The following NCALD variants were observed in gnomAD, a reference collection of about 807,000 sequenced individuals.
The protein encoded by NCALD is neurocalcin-delta.
In NCALD, 10 loss-of-function variants were observed where a neutral mutation model predicts 18.6. The ratio of observed to expected loss-of-function variants is 0.54; its 90% CI spans 0.33 to 0.91. The LOEUF (loss-of-function observed/expected upper bound fraction) is 0.91. Among genes scored for constraint, NCALD ranks in the 40% least tolerant of loss-of-function variants. NCALD has a pLI of 0.03. For missense variants in NCALD, 184 were observed against 247.6 expected (o/e 0.74, Z 1.72); for synonymous variants, 88 against 87.4 (o/e 1.01, Z -0.04).
chr8:101,718,967 C>T (rs1816219106), intron 2 of NCALD, among the ~76,000 whole-genome samples: 1 of 152,176 alleles, frequency 6.6e-6, no homozygotes, highest in South Asian at 2.1e-4. Context: ...TTTTATTGAT[C>T]GTAACTCTTA....
At chr8:101,761,821 G>A (rs1463337632) in intron 1 of NCALD, among the ~76,000 whole-genome samples, 2 of 152,222 alleles carry the variant, frequency 1.3e-5, no homozygotes, top group Admixed American at 1.3e-4. Flanking sequence ...TCAGTTGTGA[G>A]TAGAAGTGAA....
At chr8:101,946,886 T>C (rs1819198536) in intron 2 of NCALD, among the ~76,000 whole-genome samples, 1 of 144,960 alleles carries the variant, frequency 6.9e-6, no homozygotes, top group Non-Finnish European at 1.5e-5. Flanking sequence ...ACCCAAATAA[T>C]AGCCAACACC....
intron 4 of NCALD, among the ~76,000 whole-genome samples, chr8:101,834,100 TG>T (rs1380862544): frequency 6.6e-6 from 1 of 152,182 alleles, no homozygotes; most frequent in Non-Finnish European, 1.5e-5. Context: ...GAGTGCCTTC[TG>T]GGGGGATTTG....
rs531306177 is a variant in NCALD at position 101,743,135 on chromosome 8, C to T, written c.-19-23487G>A. Among the ~76,000 whole-genome samples, 5 of 152,140 alleles carry T rather than the reference C, an allele frequency of 3.3e-5. No homozygotes were observed. In the South Asian group the frequency reaches 1.0e-3, roughly 32 times the overall value. ...TTGAAAAATTAGAATGAATATCATT[C>T]CTAGAATAAAGGCCATGAGCTATGC... On this transcript the variant is annotated intron_variant, in intron 1 of 3. Coordinates refer to ENST00000220931, the MANE Select transcript of NCALD (RefSeq NM_032041.3).
chr8:101,994,680 A>G (rs1378342193), intron 2 of NCALD, among the ~76,000 whole-genome samples: 2 of 152,212 alleles, frequency 1.3e-5, no homozygotes, highest in Non-Finnish European at 2.9e-5. Flanking sequence ...CCTCTACTAC[A>G]TGGTCATGAG....
intron 3 of NCALD, among the ~76,000 whole-genome samples, chr8:101,892,452 G>A (rs1233067282): frequency 1.0e-4 from 15 of 149,426 alleles, no homozygotes; most frequent in Non-Finnish European, 1.6e-4. Flanking sequence ...AAAACGCAGA[G>A]TGCCTCTCCT....
intron 2 of NCALD, among the ~76,000 whole-genome samples, chr8:101,990,774 T>G (rs1821014191): frequency 6.6e-6 from 1 of 152,142 alleles, no homozygotes; most frequent in Admixed American, 6.5e-5. Flanking sequence ...AGCATAAAAA[T>G]GGACTAATAC....
At chr8:101,955,859 G>C (rs898794367) in intron 2 of NCALD, among the ~76,000 whole-genome samples, 1 of 151,988 alleles carries the variant, frequency 6.6e-6, no homozygotes, top group Non-Finnish European at 1.5e-5. Flanking sequence ...TCCTAATATT[G>C]ATCATGGTAA....
In NCALD at chr8:102,043,823, G is replaced by A. The variant is rs145748559; in HGVS notation, c.-209-23534C>T. Among the ~76,000 whole-genome samples the A allele has an allele frequency of 1.3e-4, 19 of 151,804 alleles. 1 individual carries two copies. The highest frequency in any genetic ancestry group is 3.9e-4 in the Admixed American group (6 of 15,254). On this transcript the variant is annotated intron_variant, in intron 1 of 6. Transcript: ENST00000311028. The stretch of plus-strand genomic sequence containing the variant: ...ATGTGTTGTATTAAGTCAGGCTGGC[G>A]TTAGGGGGCTTGGAAGGAGAAAATT...
At chr8:101,904,945 C>T (rs73280897) in intron 3 of NCALD, among the ~76,000 whole-genome samples, 1,636 of 152,208 alleles carry the variant, frequency 0.011, 25 homozygotes, top group African/African-American at 0.036. Context: ...TTTGCCCATC[C>T]CATAAATGAG....
chr8:101,905,217 G>A (rs1338504787), intron 3 of NCALD, among the ~76,000 whole-genome samples: 1 of 151,766 alleles, frequency 6.6e-6, no homozygotes, highest in Non-Finnish European at 1.5e-5. Context: ...TGGCTTCTAT[G>A]ATTATCTTTT....
intron 1 of NCALD, among the ~76,000 whole-genome samples, chr8:102,078,789 T>A (rs1824431279): frequency 6.6e-6 from 1 of 152,250 alleles, no homozygotes; most frequent in African/African-American, 2.4e-5. Context: ...TATTACCTTA[T>A]TTTATTTTGC....
chr8:102,004,224 A>G (rs1298568907), intron 2 of NCALD, among the ~76,000 whole-genome samples: 1 of 152,160 alleles, frequency 6.6e-6, no homozygotes, highest in Non-Finnish European at 1.5e-5. Flanking sequence ...AAGCATTCTT[A>G]TACACCAACA....
Position 101,754,514 on chromosome 8 carries a change from T to G in NCALD, c.-19-34866A>C, listed in dbSNP as rs144991932. On this transcript the variant is annotated intron_variant, in intron 1 of 3. Coordinates refer to ENST00000220931, the MANE Select transcript of NCALD (RefSeq NM_032041.3). ...TCATAGAGGGCAACTTCTTGCTGTGTCCTCATGTGGTGGAAGGGGCAGTGG... is the reference window on the plus strand; with the variant it reads ...TCATAGAGGGCAACTTCTTGCTGTGGCCTCATGTGGTGGAAGGGGCAGTGG... 8.2e-4 allele frequency among the ~76,000 whole-genome samples: 125 copies of G among 152,284 alleles called. 1 individual carries two copies. The highest frequency in any genetic ancestry group is 1.5e-3 in the Non-Finnish European group (105 of 68,014).
intron 2 of NCALD, among the ~76,000 whole-genome samples, chr8:101,707,635 A>G (rs1302080905): frequency 6.6e-6 from 1 of 152,198 alleles, no homozygotes; most frequent in African/African-American, 2.4e-5. Flanking sequence ...GGTGTTTTTA[A>G]GTTCACCTTG....
intron 4 of NCALD, among the ~76,000 whole-genome samples, chr8:101,797,790 T>A (rs566602035): frequency 1.2e-4 from 18 of 151,414 alleles, no homozygotes; most frequent in Admixed American, 9.2e-4. Flanking sequence ...CACTCCAGCC[T>A]GGTGATACAG....
intron 2 of NCALD, among the ~76,000 whole-genome samples, chr8:102,004,434 T>G (rs878949409): frequency 6.7e-6 from 1 of 148,362 alleles, no homozygotes; most frequent in African/African-American, 2.6e-5. Flanking sequence ...GAATCAATAT[T>G]GTGAAAATGG....
intron 2 of NCALD, among the ~76,000 whole-genome samples, chr8:101,928,077 A>G (rs1586768266): frequency 6.6e-6 from 1 of 152,186 alleles, no homozygotes; most frequent in East Asian, 1.9e-4. Flanking sequence ...ACTAACTGAA[A>G]AATGATCCTG....
At chr8:101,957,615 G>A (rs1027544142) in intron 2 of NCALD, among the ~76,000 whole-genome samples, 1 of 152,066 alleles carries the variant, frequency 6.6e-6, no homozygotes, top group Non-Finnish European at 1.5e-5. Context: ...ATGTGAAAGG[G>A]ACACAAAGTG....
Sources: allele counts gnomAD v4.1 joint callset (sites outside exome capture counted in the v4.1 genomes callset), GRCh38; gene constraint gnomAD v4.1.1; transcripts MANE v1.5; gene names NCBI Gene and HGNC (gene_info 2026-07-23, HGNC 2026-07-21).